The following KAT2B variants were observed in gnomAD, a reference collection of about 807,000 sequenced individuals.
KAT2B encodes lysine acetyltransferase 2B.
Under a neutral mutation model 105.9 loss-of-function variants are expected in KAT2B, and 36 were observed. The observed-to-expected ratio is 0.34, with a 90% CI of 0.26 to 0.45. The LOEUF (loss-of-function observed/expected upper bound fraction) is 0.45. KAT2B is among the 20% of genes least tolerant of loss of function. The pLI is 1.00. For missense variants in KAT2B, 820 were observed against 1,021.6 expected (o/e 0.80, Z 2.69); for synonymous variants, 397 against 377.9 (o/e 1.05, Z -0.59).
rs942780890 is a variant in KAT2B at position 20,055,439 on chromosome 3, CAG to C, written c.303+14663_303+14664del. Among the ~76,000 whole-genome samples, 4 of 152,242 alleles carry C rather than the reference CAG, an allele frequency of 2.6e-5. 1 individual carries two copies. The highest frequency in any genetic ancestry group is 4.2e-4 in the South Asian group (2 of 4,818). Reference sequence around the variant, plus strand: ...GTAAGTGCCTCGCAGAGAATGAAAACAGAGAATTAAATGAGAATGCCTGGGGA... The same window carrying C: ...GTAAGTGCCTCGCAGAGAATGAAAACAGAATTAAATGAGAATGCCTGGGGA... On this transcript the variant is annotated intron_variant, in intron 1 of 17. Transcript: ENST00000263754.
intron 4 of KAT2B, among the ~76,000 whole-genome samples, chr3:20,100,777 A>G (rs537727353): frequency 1.6e-4 from 25 of 152,340 alleles, no homozygotes; most frequent in South Asian, 1.0e-3. Context: ...TGAATGATAT[A>G]TATATTTTGG....
At chr3:20,082,182 C>T (rs1182680925) in intron 2 of KAT2B, among the ~76,000 whole-genome samples, 1 of 151,870 alleles carries the variant, frequency 6.6e-6, no homozygotes, top group African/African-American at 2.4e-5. Flanking sequence ...TTACAGATGC[C>T]TGCCACCATG....
intron 2 of KAT2B, among the ~76,000 whole-genome samples, chr3:20,089,275 G>A (rs985082404): frequency 6.6e-6 from 1 of 152,108 alleles, no homozygotes; most frequent in African/African-American, 2.4e-5. Context: ...AATGTCATTG[G>A]AATTTTGATA....
chr3:20,118,144 T>C (rs1699237847), intron 7 of KAT2B, among the ~76,000 whole-genome samples: 1 of 147,768 alleles, frequency 6.8e-6, no homozygotes, highest in African/African-American at 2.5e-5. Flanking sequence ...AAAAAAAAAT[T>C]TAGGAGAAAA....
Position 20,122,785 on chromosome 3 carries a change from C to T in KAT2B, c.1394C>T (p.Ala465Val), listed in dbSNP as rs748653359. The change falls in exon 9 of 18, where the codon GCA (alanine) becomes GTA (valine). Residue 465 changes from alanine to valine, a missense_variant. This residue lies in a region of KAT2B where 225 missense variants were observed against 268.1 expected (regional missense o/e 0.84). Transcript: ENST00000263754. ...NEVMSTITDP[A>V]AMLGPETNFL... is the part of the protein sequence containing the mutation. ...GTTATGTCTACCATCACGGACCCTG[C>T]AGCAATGCTTGGACCAGAGGTCAGC... 6.2e-7 allele frequency: 1 copy of T among 1,613,362 alleles called. No individual in the cohort carries two copies. Among genetic ancestry groups the T allele is most frequent in the Non-Finnish European group, 8.5e-7 (1 of 1,179,552 alleles).
chr3:20,094,452 T>G, intron 2 of KAT2B, among the ~76,000 whole-genome samples: 1 of 152,148 alleles, frequency 6.6e-6, no homozygotes, highest in East Asian at 1.9e-4. Context: ...CCAAACCATA[T>G]CAGAGCCTTA....
At chr3:20,114,397 A>G (rs1359359361) in intron 6 of KAT2B, among the ~76,000 whole-genome samples, 1 of 152,224 alleles carries the variant, frequency 6.6e-6, no homozygotes, top group Non-Finnish European at 1.5e-5. Flanking sequence ...AACACTGCCT[A>G]TCATGTAGTA....
At chr3:20,123,077 A>G (rs1273599386) in intron 9 of KAT2B, 1 of 437,104 alleles carries the variant, frequency 2.3e-6, no homozygotes, top group African/African-American at 2.2e-5. Context: ...TCAAGCCCTC[A>G]TAAATGTTGC....
At chr3:20,075,132 C>T (rs1407657278) in intron 2 of KAT2B, among the ~76,000 whole-genome samples, 1 of 151,984 alleles carries the variant, frequency 6.6e-6, no homozygotes, top group East Asian at 1.9e-4. Context: ...GGCATGGTGG[C>T]AAGCACCTAT....
rs376654765 is a variant in KAT2B at position 20,041,126 on chromosome 3, A to T, written c.303+346A>T. Among the ~76,000 whole-genome samples, 20 of 152,116 alleles carry T rather than the reference A, an allele frequency of 1.3e-4. No homozygotes were observed. The South Asian group carries it at 4.2e-3, about 32-fold the overall frequency. On this transcript the variant is annotated intron_variant, in intron 1 of 17. Coordinates refer to ENST00000263754, the MANE Select transcript of KAT2B (RefSeq NM_003884.5). ...TCCCGGGAGTGGAGCGGTGCTCTCC[A>T]TGTGGCGGGTGACCCAGGGGCAAGG... is the stretch of plus-strand genomic sequence containing the variant.
chr3:20,142,574 G>A (rs1417200952), intron 13 of KAT2B, among the ~76,000 whole-genome samples: 1 of 152,132 alleles, frequency 6.6e-6, no homozygotes, highest in East Asian at 1.9e-4. Flanking sequence ...TTAGTAGAGA[G>A]AGAGAGAGAA....
chr3:20,128,352 C>T (rs538445445), intron 11 of KAT2B, among the ~76,000 whole-genome samples: 1 of 152,224 alleles, frequency 6.6e-6, no homozygotes, highest in Non-Finnish European at 1.5e-5. Flanking sequence ...ATGACCTTGT[C>T]CCTAAGGGAA....
At chr3:20,122,348 C>CT (rs1245172418) in intron 8 of KAT2B, among the ~76,000 whole-genome samples, 1 of 152,190 alleles carries the variant, frequency 6.6e-6, no homozygotes, top group African/African-American at 2.4e-5. Flanking sequence ...CTTGAAGAGA[C>CT]TATATTAGAG....
intron 11 of KAT2B, among the ~76,000 whole-genome samples, chr3:20,132,703 A>G (rs1342764982): frequency 6.6e-6 from 1 of 152,252 alleles, no homozygotes; most frequent in Non-Finnish European, 1.5e-5. Context: ...CTCACAAGCA[A>G]CTTGGAATCT....
chr3:20,127,804 C>T (rs1699432102), intron 11 of KAT2B, among the ~76,000 whole-genome samples: 1 of 152,212 alleles, frequency 6.6e-6, no homozygotes, highest in African/African-American at 2.4e-5. Flanking sequence ...CAGCTCAGAT[C>T]ATCAGGCATT....
intron 1 of KAT2B, among the ~76,000 whole-genome samples, chr3:20,045,046 G>A (rs1023726372): frequency 2.6e-5 from 4 of 151,948 alleles, no homozygotes; most frequent in Admixed American, 1.3e-4. Context: ...ACAGGGTCTC[G>A]CTCTGTCACC....
chr3:20,148,448 G>A lies in KAT2B; in HGVS notation c.2266G>A (p.Glu756Lys). The A allele has an allele frequency of 1.9e-6, 3 of 1,609,750 alleles. No individual in the cohort carries two copies. The highest frequency in any genetic ancestry group is 2.5e-6 in the Non-Finnish European group (3 of 1,178,886). The change falls in exon 17 of 18, where the codon GAA becomes AAA. Residue 756 changes from glutamate to lysine, a missense_variant. By Grantham distance (56) the Glu-to-Lys change is moderately conservative. Around this residue, in one of 6 missense-constraint regions of KAT2B, gnomAD observed 227 missense variants for 292.9 expected, o/e 0.77. Coordinates refer to ENST00000263754, the MANE Select transcript of KAT2B (RefSeq NM_003884.5). ...WPFMEPVKRT[E>K]APGYYEVIRF... ...CTTCATGGAACCTGTGAAGAGAACA[G>A]AAGCTCCAGGATATTATGAAGTTAT...
chr3:20,099,859 C>T lies in KAT2B; in HGVS notation c.577-3C>T, dbSNP rs777071940. 5.3e-6 allele frequency: 8 copies of T among 1,522,436 alleles called. No homozygotes were observed. The highest frequency in any genetic ancestry group is 1.8e-5 in the Admixed American group (1 of 54,134). 94.3% of individuals were successfully genotyped at this position (1,522,436 alleles called of 1,614,324 possible). On this transcript the variant is annotated splice_region_variant and splice_polypyrimidine_tract_variant and intron_variant, in intron 3 of 17. Coordinates refer to ENST00000263754, the MANE Select transcript of KAT2B (RefSeq NM_003884.5). ...TTTCTTTTTTTTAATGATTTCTTTG[C>T]AGCTCTTGAGAAAGTCTATTTTACA... is the stretch of plus-strand genomic sequence containing the variant.
intron 4 of KAT2B, 41 bp from the exon 5 acceptor site, chr3:20,101,246 T>C (rs375491076): frequency 6.4e-7 from 1 of 1,557,426 alleles, no homozygotes; most frequent in African/African-American, 1.4e-5. Context: ...ATTAGTATGA[T>C]TGCATAGCTG....
Sources: gnomAD v4.1 joint callset for allele counts (sites outside exome capture counted in the v4.1 genomes callset) on GRCh38, gnomAD v4.1.1 for gene constraint, gnomAD v4.1.1 regional missense constraint, MANE v1.5 for transcripts, NCBI Gene and HGNC (gene_info 2026-07-23, HGNC 2026-07-21) for gene names.